COL4A2: variants seen among roughly 807,000 people sequenced by gnomAD.
COL4A2 encodes the protein collagen type IV alpha 2 chain.
COL4A2 carries 99 observed loss-of-function variants against 200.2 expected under a neutral mutation model. The ratio of observed to expected loss-of-function variants is 0.49; its 90% CI spans 0.42 to 0.58. The LOEUF (loss-of-function observed/expected upper bound fraction) is 0.58. Among genes scored for constraint, COL4A2 ranks in the 20% least tolerant of loss-of-function variants. The pLI is 0.00. For synonymous variants in COL4A2, 897 were observed against 900.6 expected (o/e 1.00, Z 0.07); for missense variants, 1,950 against 2,314.1 (o/e 0.84, Z 3.23).
intron 4 of COL4A2, among the ~76,000 whole-genome samples, chr13:110,376,607 A>T (rs1008097269): frequency 1.3e-5 from 2 of 152,228 alleles, no homozygotes; most frequent in Admixed American, 6.5e-5. Flanking sequence ...GTTGCAAATT[A>T]TCGGAAGGAA....
At chr13:110,373,972 T>C (rs1311582438) in intron 4 of COL4A2, among the ~76,000 whole-genome samples, 1 of 152,228 alleles carries the variant, frequency 6.6e-6, no homozygotes, top group African/African-American at 2.4e-5. Flanking sequence ...CAGTAGAGAC[T>C]TGGCACCCTG....
At chr13:110,377,355 G>A (rs1433235758) in intron 4 of COL4A2, among the ~76,000 whole-genome samples, 1 of 152,130 alleles carries the variant, frequency 6.6e-6, no homozygotes, top group African/African-American at 2.4e-5. Flanking sequence ...CTTCCTGTGT[G>A]GTGAGCCTAC....
At chr13:110,370,815 A>G (rs1877971732) in intron 4 of COL4A2, among the ~76,000 whole-genome samples, 1 of 152,230 alleles carries the variant, frequency 6.6e-6, no homozygotes, top group Non-Finnish European at 1.5e-5. Context: ...GAAGATGGCT[A>G]TTGACCAAAG....
intron 6 of COL4A2, among the ~76,000 whole-genome samples, chr13:110,427,471 A>C (rs1175484665): frequency 2.0e-5 from 3 of 152,180 alleles, no homozygotes; most frequent in Non-Finnish European, 4.4e-5. Flanking sequence ...TTTATCTTGA[A>C]ATTTTCCAAA....
At position 110,508,364 on chromosome 13, in the gene COL4A2, AGCTGGAACAC is replaced by A; in HGVS notation, c.4881+144_4881+153del. 1 of 1,327,188 alleles carries A rather than the reference AGCTGGAACAC, an allele frequency of 7.5e-7. No homozygotes were observed. The highest frequency in any genetic ancestry group is 1.0e-6 in the Non-Finnish European group (1 of 969,886). The allele number at this position is 1,327,188 out of a possible 1,614,324, so 82.2% of individuals were successfully genotyped here. ...GTAGTTGGCCCAGGAAGCGAGCGAG[AGCTGGAACAC>A]AGCTTACACTTGGCTAACTGAGCCA... On this transcript the variant is annotated intron_variant, in intron 47 of 47. Coordinates refer to ENST00000360467, the MANE Select transcript of COL4A2 (RefSeq NM_001846.4). The surrounding 1 kb of genome is among the most constrained non-coding windows in gnomAD (Gnocchi z 6.1).
intron 4 of COL4A2, among the ~76,000 whole-genome samples, chr13:110,362,134 T>C (rs990660094): frequency 6.6e-6 from 1 of 152,238 alleles, no homozygotes; most frequent in East Asian, 1.9e-4. Flanking sequence ...CCCCTCGTTA[T>C]GCAAGAGTTA....
intron 38 of COL4A2, among the ~76,000 whole-genome samples, chr13:110,492,563 G>A (rs1054871025): frequency 6.6e-6 from 1 of 152,198 alleles, no homozygotes; most frequent in Non-Finnish European, 1.5e-5. Context: ...GCCCCGAGAC[G>A]GGCCACCCTG....
At chr13:110,422,910 C>T (rs770742749) in intron 4 of COL4A2, among the ~76,000 whole-genome samples, 1 of 152,208 alleles carries the variant, frequency 6.6e-6, no homozygotes, top group Non-Finnish European at 1.5e-5. Flanking sequence ...TCCCATTTCA[C>T]TTCAACTGTG....
intron 4 of COL4A2, among the ~76,000 whole-genome samples, chr13:110,371,845 C>T (rs1431560370): frequency 6.6e-6 from 1 of 152,180 alleles, no homozygotes; most frequent in Non-Finnish European, 1.5e-5. Context: ...AGCTCATTGT[C>T]TTTCCGTCTC....
intron 13 of COL4A2, among the ~76,000 whole-genome samples, chr13:110,436,891 C>T (rs543533332): frequency 7.2e-6 from 1 of 139,780 alleles, no homozygotes; most frequent in South Asian, 2.2e-4. Context: ...CGTTTGGAGG[C>T]TGCTGTGCCA....
chr13:110,388,565 A>G (rs1178807834), intron 4 of COL4A2, among the ~76,000 whole-genome samples: 1 of 152,184 alleles, frequency 6.6e-6, no homozygotes, highest in East Asian at 1.9e-4. Context: ...ACAGTTTTTA[A>G]TCCATCAGAG....
intron 39 of COL4A2, 116 bp downstream of exon 39, chr13:110,493,398 C>A: frequency 1.8e-6 from 2 of 1,108,162 alleles, no homozygotes; most frequent in Non-Finnish European, 2.7e-6. Context: ...GCAGGGTGGG[C>A]TTCCTGAAGT....
Position 110,495,487 on chromosome 13 carries a change from G to A in COL4A2, c.3760+20G>A, listed in dbSNP as rs1176634047. 1 of 1,607,668 alleles carries A rather than the reference G, an allele frequency of 6.2e-7. No individual in the cohort carries two copies. The highest frequency in any genetic ancestry group is 8.5e-7 in the Non-Finnish European group (1 of 1,177,566). ...CTCCAGGTGAGGCCACACATTCCAA[G>A]CCAACATTGCCGTCCCAGTAACCAG... is the stretch of plus-strand genomic sequence containing the variant. On this transcript the variant is annotated intron_variant, in intron 40 of 47. Coordinates refer to ENST00000360467, the MANE Select transcript of COL4A2 (RefSeq NM_001846.4).
In COL4A2 at chr13:110,484,928, C is replaced by G; in HGVS notation, c.2926C>G (p.Pro976Ala). Residue 976 changes from proline (P) to alanine (A), a missense_variant, in exon 33 of 48, where the codon CCA (proline) becomes GCA (alanine). Physicochemically the swap from Pro to Ala is conservative, Grantham distance 27. Transcript: ENST00000360467. The part of the protein sequence containing the change: ...FKGSRGDPGP[P>A]GPPPVILPGM... The stretch of plus-strand genomic sequence containing the variant: ...AGGCAGCCGAGGGGACCCTGGGCCC[C>G]CAGGACCACCTCCTGTCATCCTGCC... 1 of 1,612,344 alleles carries G rather than the reference C, an allele frequency of 6.2e-7. No individual in the cohort carries two copies. Among genetic ancestry groups the G allele is most frequent in the South Asian group, 1.1e-5 (1 of 90,956 alleles).
rs192515562 is a variant in COL4A2, at chr13:110,468,763, C to G, written c.2096-454C>G. Among the ~76,000 whole-genome samples, 9 of 152,292 alleles carry G rather than the reference C, an allele frequency of 5.9e-5. No homozygotes were observed. In the East Asian group the frequency reaches 1.7e-3, roughly 29 times the overall value. On this transcript the variant is annotated intron_variant, in intron 27 of 47. Coordinates refer to ENST00000360467, the MANE Select transcript of COL4A2 (RefSeq NM_001846.4). ...TCAGCCCTTCAATTATCAGAAAACA[C>G]TTCTGGAGCCCACACACTGGGCCAA...
chr13:110,457,499 G>GT, intron 21 of COL4A2, 64 bp downstream of exon 21: 1 of 964,438 alleles, frequency 1.0e-6, no homozygotes, highest in Non-Finnish European at 1.7e-6. Context: ...TCACCTTACA[G>GT]AAGGTGAAAT....
chr13:110,345,538 C>G (rs1053696821), intron 3 of COL4A2, among the ~76,000 whole-genome samples: 2 of 152,110 alleles, frequency 1.3e-5, no homozygotes, highest in African/African-American at 4.8e-5. Flanking sequence ...ACACACCAGC[C>G]ACTCACCTGG....
At chr13:110,355,355 T>TG (rs1369153089) in intron 3 of COL4A2, among the ~76,000 whole-genome samples, 1 of 83,922 alleles carries the variant, frequency 1.2e-5, no homozygotes, top group South Asian at 3.9e-4. Context: ...CCTGTGTGTG[T>TG]GGGGGAGGGC....
At chr13:110,449,029 G>A (rs1415645733) in intron 18 of COL4A2, among the ~76,000 whole-genome samples, 2 of 149,276 alleles carry the variant, frequency 1.3e-5, no homozygotes, top group Admixed American at 6.7e-5. Context: ...TCCCTTGCAC[G>A]TGGGACTTCA....
Sources: allele counts gnomAD v4.1 joint callset (sites outside exome capture counted in the v4.1 genomes callset), GRCh38; gene constraint gnomAD v4.1.1; non-coding constraint Gnocchi (gnomAD v3.1); transcripts MANE v1.5; gene names NCBI Gene and HGNC (gene_info 2026-07-23, HGNC 2026-07-21).